Variants in PTPRD observed in about 807,000 individuals in gnomAD.
PTPRD encodes the protein receptor-type tyrosine-protein phosphatase delta.
Under a neutral mutation model 214.5 loss-of-function variants are expected in PTPRD, and 34 were observed. The observed-to-expected ratio is 0.16, with a 90% CI of 0.12 to 0.21. The LOEUF (loss-of-function observed/expected upper bound fraction) is 0.21, where lower values mean the gene tolerates loss of function less well. Ranked by LOEUF, PTPRD falls within the 10% of genes least tolerant of loss-of-function variation. PTPRD has a pLI of 1.00. For synonymous variants in PTPRD, 1,128 were observed against 845.7 expected (o/e 1.33, Z -5.79); for missense variants, 2,545 against 2,398.7 (o/e 1.06, Z -1.27).
chr9:9,392,832 G>A (rs1196066085), intron 9 of PTPRD, among the ~76,000 whole-genome samples: 1 of 152,100 alleles, frequency 6.6e-6, no homozygotes, highest in Admixed American at 6.6e-5. Context: ...AATCTCCTCA[G>A]GGAGGGAATA....
intron 8 of PTPRD, among the ~76,000 whole-genome samples, chr9:9,467,588 C>CAAAAAAAAAAAAAAAAAAAAAAAAAAA (rs1176159031): frequency 1.1e-4 from 6 of 55,954 alleles, no homozygotes; most frequent in Non-Finnish European, 1.6e-4. Flanking sequence ...CTCCATCTCC[C>CAAAAAAAAAAAAAAAAAAAAAAAAAAA]AAAAAAAAAA....
At chr9:9,641,169 T>G (rs16929972) in intron 7 of PTPRD, among the ~76,000 whole-genome samples, 2,905 of 124,578 alleles carry the variant, frequency 0.023, 89 homozygotes, top group African/African-American at 0.071. Flanking sequence ...TGATGCTGCT[T>G]AGCAAATGTA....
chr9:10,387,429 T>A (rs1230405656), intron 2 of PTPRD, among the ~76,000 whole-genome samples: 2 of 151,788 alleles, frequency 1.3e-5, no homozygotes, highest in Non-Finnish European at 2.9e-5. Flanking sequence ...TTCAGTTATA[T>A]CAGAAGGCAT....
intron 11 of PTPRD, among the ~76,000 whole-genome samples, chr9:8,928,595 C>G (rs1355213677): frequency 4.4e-5 from 3 of 67,940 alleles, no homozygotes; most frequent in African/African-American, 1.6e-4. Context: ...TTACTCTAGC[C>G]TTGTAGTATA....
rs549310321 is a variant in PTPRD, at chr9:9,552,198, C to A, written c.-237+22534G>T. 2.0e-5 allele frequency among the ~76,000 whole-genome samples: 3 copies of A among 152,036 alleles called. No individual in the cohort carries two copies. The South Asian group carries it at 6.2e-4, about 32-fold the overall frequency. ...GTAAATTGATTTACCCAGTCTGATT[C>A]AAAAATCCATGCCATTTCCATTATT... is the stretch of plus-strand genomic sequence containing the variant. On this transcript the variant is annotated intron_variant, in intron 8 of 45. Coordinates refer to ENST00000381196, the MANE Select transcript of PTPRD (RefSeq NM_002839.4).
At chr9:9,026,514 A>C (rs1051719185) in intron 10 of PTPRD, among the ~76,000 whole-genome samples, 1 of 151,996 alleles carries the variant, frequency 6.6e-6, no homozygotes, top group East Asian at 1.9e-4. Context: ...GTGACACAGC[A>C]AGGTAGTCAT....
chr9:10,426,442 G>A (rs938030789), intron 2 of PTPRD, among the ~76,000 whole-genome samples: 1 of 151,638 alleles, frequency 6.6e-6, no homozygotes. Context: ...ATTTTTCTAA[G>A]AAAAAAATCT....
intron 34 of PTPRD, 107 bp from the exon 35 acceptor site, chr9:8,436,796 G>A: frequency 1.2e-6 from 1 of 836,112 alleles, no homozygotes; most frequent in Non-Finnish European, 1.9e-6. Flanking sequence ...GAAAATATGT[G>A]AGTAGTAAAG....
chr9:9,517,232 C>G (rs2096860166), intron 8 of PTPRD, among the ~76,000 whole-genome samples: 2 of 151,992 alleles, frequency 1.3e-5, no homozygotes, highest in Non-Finnish European at 2.9e-5. Flanking sequence ...TATCCACTAC[C>G]CAACTCACTG....
chr9:8,784,357 G>A lies in PTPRD; in HGVS notation c.-103-50411C>T, dbSNP rs1228620227. 3.9e-5 allele frequency among the ~76,000 whole-genome samples: 6 copies of A among 152,072 alleles called. No individual in the cohort carries two copies. In the South Asian group the frequency reaches 1.0e-3, roughly 26 times the overall value. On this transcript the variant is annotated intron_variant, in intron 11 of 45. Coordinates refer to ENST00000381196, the MANE Select transcript of PTPRD (RefSeq NM_002839.4). Reference sequence around the variant, plus strand: ...CTTAAACGTAAATGCATGCTATTACGTGTGTTCTTGTCTGTCAATCTTTCA... The same window carrying A: ...CTTAAACGTAAATGCATGCTATTACATGTGTTCTTGTCTGTCAATCTTTCA...
At chr9:8,828,656 G>C (rs2097220859) in intron 11 of PTPRD, among the ~76,000 whole-genome samples, 1 of 152,168 alleles carries the variant, frequency 6.6e-6, no homozygotes, top group South Asian at 2.1e-4. Context: ...TTCTGTAGCA[G>C]TTGAAGAACT....
intron 7 of PTPRD, among the ~76,000 whole-genome samples, chr9:9,581,888 C>T (rs1223841471): frequency 6.6e-6 from 1 of 151,830 alleles, no homozygotes; most frequent in African/African-American, 2.4e-5. Flanking sequence ...AATTATTTAC[C>T]AGCCACTACT....
At chr9:9,498,168 T>C (rs1271778242) in intron 8 of PTPRD, among the ~76,000 whole-genome samples, 2 of 152,134 alleles carry the variant, frequency 1.3e-5, no homozygotes, top group East Asian at 3.8e-4. Flanking sequence ...AACATTGTTT[T>C]AGCGGCACAG....
At chr9:8,511,464 T>G (rs958455688) in intron 21 of PTPRD, among the ~76,000 whole-genome samples, 1 of 152,172 alleles carries the variant, frequency 6.6e-6, no homozygotes, top group Non-Finnish European at 1.5e-5. Context: ...ACCAGTCCTT[T>G]GTCTATGTAT....
chr9:10,442,477 G>A (rs2098766561), intron 2 of PTPRD, among the ~76,000 whole-genome samples: 2 of 151,554 alleles, frequency 1.3e-5, no homozygotes, highest in Non-Finnish European at 3.0e-5. Context: ...GCATAGAGAA[G>A]GGGCAATCCA....
chr9:10,274,715 T>C (rs2154385155), intron 3 of PTPRD, among the ~76,000 whole-genome samples: 1 of 152,286 alleles, frequency 6.6e-6, no homozygotes, highest in East Asian at 1.9e-4. Flanking sequence ...TGGTGAGTTT[T>C]GAAATAAAGA....
chr9:8,813,488 A>T (rs1370944319), intron 11 of PTPRD, among the ~76,000 whole-genome samples: 5 of 152,134 alleles, frequency 3.3e-5, no homozygotes, highest in Admixed American at 2.6e-4. Flanking sequence ...CTCCTGCCTC[A>T]GCCTCCTCGG....
At chr9:9,334,595 G>C (rs1297288018) in intron 9 of PTPRD, among the ~76,000 whole-genome samples, 2 of 151,916 alleles carry the variant, frequency 1.3e-5, no homozygotes, top group Non-Finnish European at 2.9e-5. Context: ...GTTTGGATAT[G>C]TCTCCTTATC....
At chr9:8,608,886 A>G (rs1021569768) in intron 14 of PTPRD, among the ~76,000 whole-genome samples, 3 of 152,162 alleles carry the variant, frequency 2.0e-5, no homozygotes, top group Admixed American at 6.5e-5. Context: ...TGGCCCAAAG[A>G]GAGTGAATCA....
Sources: allele counts gnomAD v4.1 joint callset (sites outside exome capture counted in the v4.1 genomes callset), GRCh38; gene constraint gnomAD v4.1.1; transcripts MANE v1.5; gene names NCBI Gene and HGNC (gene_info 2026-07-23, HGNC 2026-07-21).